ST6GALNAC3: variants seen among roughly 807,000 people sequenced by gnomAD.
ST6GALNAC3 encodes ST6 N-acetylgalactosaminide alpha-2,6-sialyltransferase 3, also known as alpha-N-acetylgalactosaminide alpha-2,6-sialyltransferase 3.
A neutral mutation model predicts 32.7 loss-of-function variants in ST6GALNAC3; 25 were observed. That is an observed-to-expected ratio of 0.76 (90% CI 0.56 to 1.07). The LOEUF is 1.07. Ranked by LOEUF, ST6GALNAC3 falls within the 50% of genes least tolerant of loss-of-function variation. The probability of loss-of-function intolerance (pLI) is 0.00; values close to 1 mark genes in which losing one functional copy is unlikely to be tolerated. For missense variants in ST6GALNAC3, 355 were observed against 382.4 expected (o/e 0.93, Z 0.60); for synonymous variants, 129 against 133.1 (o/e 0.97, Z 0.21).
At chr1:76,097,621 C>T (rs1410844292) in intron 1 of ST6GALNAC3, among the ~76,000 whole-genome samples, 1 of 152,108 alleles carries the variant, frequency 6.6e-6, no homozygotes, top group Non-Finnish European at 1.5e-5. Context: ...ACTAATACAG[C>T]TTCTTTTTTT....
chr1:76,451,132 C>T (rs908549781), intron 3 of ST6GALNAC3, among the ~76,000 whole-genome samples: 11 of 152,058 alleles, frequency 7.2e-5, no homozygotes, highest in African/African-American at 2.4e-4. Flanking sequence ...TTGCAGATTG[C>T]TTTTAGCGGT....
At chr1:76,515,731 C>T (rs1215234607) in intron 3 of ST6GALNAC3, among the ~76,000 whole-genome samples, 4 of 151,994 alleles carry the variant, frequency 2.6e-5, no homozygotes, top group Admixed American at 6.6e-5. Flanking sequence ...AAGTTTTTCT[C>T]GTTGTTGATT....
chr1:76,619,033 A>C (rs1354291640), intron 3 of ST6GALNAC3, among the ~76,000 whole-genome samples: 1 of 150,962 alleles, frequency 6.6e-6, no homozygotes, highest in Non-Finnish European at 1.5e-5. Context: ...GTAGTAGCTC[A>C]AGTCTTCAAA....
chr1:76,284,644 T>A (rs1287592205), intron 1 of ST6GALNAC3, among the ~76,000 whole-genome samples: 7 of 151,988 alleles, frequency 4.6e-5, no homozygotes, highest in African/African-American at 1.7e-4. Flanking sequence ...TGCAAGAGAC[T>A]TTTTAATTAG....
intron 3 of ST6GALNAC3, among the ~76,000 whole-genome samples, chr1:76,626,878 T>C (rs1161520924): frequency 6.6e-6 from 1 of 151,922 alleles, no homozygotes; most frequent in Non-Finnish European, 1.5e-5. Context: ...AAGAAGTTGG[T>C]AACATAGGTC....
At chr1:76,635,073 T>C (rs939118236), downstream of ST6GALNAC3, among the ~76,000 whole-genome samples, 4 of 152,226 alleles carry the variant, frequency 2.6e-5, no homozygotes, top group African/African-American at 9.6e-5. Flanking sequence ...TTTGTCCATA[T>C]TAACTATCTG....
intron 1 of ST6GALNAC3, among the ~76,000 whole-genome samples, chr1:76,292,572 G>A (rs1660161820): frequency 6.6e-6 from 1 of 152,194 alleles, no homozygotes; most frequent in Non-Finnish European, 1.5e-5. Flanking sequence ...TAAAGGAAGT[G>A]CCTTGCCACA....
At chr1:76,258,609 T>C (rs891693764) in intron 1 of ST6GALNAC3, among the ~76,000 whole-genome samples, 2 of 152,116 alleles carry the variant, frequency 1.3e-5, no homozygotes, top group East Asian at 1.9e-4. Context: ...TGGAGTTTGC[T>C]CAAAAAATAA....
intron 1 of ST6GALNAC3, among the ~76,000 whole-genome samples, chr1:76,182,516 C>T (rs764125925): frequency 2.6e-5 from 4 of 152,128 alleles, no homozygotes; most frequent in African/African-American, 9.7e-5. Flanking sequence ...TTTCAGTTTA[C>T]ACTATTGCAC....
At chr1:76,347,643 A>C (rs897648687) in intron 2 of ST6GALNAC3, among the ~76,000 whole-genome samples, 1 of 152,046 alleles carries the variant, frequency 6.6e-6, no homozygotes. Context: ...GATGATATTG[A>C]CTCCTTATAA....
chr1:76,343,996 T>G (rs1648283520), intron 2 of ST6GALNAC3, among the ~76,000 whole-genome samples: 1 of 152,198 alleles, frequency 6.6e-6, no homozygotes. Flanking sequence ...AAGGGGCAAG[T>G]AGGGCAAGGC....
chr1:76,416,358 G>T (rs1654622730), intron 3 of ST6GALNAC3, among the ~76,000 whole-genome samples: 1 of 151,992 alleles, frequency 6.6e-6, no homozygotes. Flanking sequence ...TTTGCCTGTA[G>T]TTATTAGAAC....
At chr1:76,304,410 C>G (rs1004994997) in intron 1 of ST6GALNAC3, among the ~76,000 whole-genome samples, 14 of 148,582 alleles carry the variant, frequency 9.4e-5, no homozygotes, top group African/African-American at 3.4e-4. Context: ...CACCCTTATC[C>G]ATGAACTAGA....
chr1:76,183,363 T>C (rs950997187), intron 1 of ST6GALNAC3, among the ~76,000 whole-genome samples: 1 of 152,192 alleles, frequency 6.6e-6, no homozygotes, highest in African/African-American at 2.4e-5. Flanking sequence ...TTGATTTGTA[T>C]ACTAAATTTC....
At chr1:76,391,161 C>T (rs1338692238) in intron 2 of ST6GALNAC3, among the ~76,000 whole-genome samples, 2 of 151,978 alleles carry the variant, frequency 1.3e-5, no homozygotes, top group Non-Finnish European at 2.9e-5. Context: ...AGGATGGTCT[C>T]GATCTCATGA....
chr1:76,255,251 C>G (rs1323422774), intron 1 of ST6GALNAC3, among the ~76,000 whole-genome samples: 1 of 152,080 alleles, frequency 6.6e-6, no homozygotes, highest in Non-Finnish European at 1.5e-5. Context: ...GCCCCTTATA[C>G]TAACTGAGTT....
At chr1:76,296,006 T>G (rs939680774) in intron 1 of ST6GALNAC3, among the ~76,000 whole-genome samples, 22 of 152,168 alleles carry the variant, frequency 1.4e-4, no homozygotes, top group African/African-American at 5.3e-4. Flanking sequence ...TCAAAATAAT[T>G]ATGCCAAAGT....
At chr1:76,531,401 A>C (rs1663244574) in intron 3 of ST6GALNAC3, among the ~76,000 whole-genome samples, 1 of 152,182 alleles carries the variant, frequency 6.6e-6, no homozygotes, top group African/African-American at 2.4e-5. Context: ...CTACACTGGG[A>C]ATGTATCAAC....
At chr1:76,224,969 T>C (rs577654226) in intron 1 of ST6GALNAC3, among the ~76,000 whole-genome samples, 18 of 152,136 alleles carry the variant, frequency 1.2e-4, no homozygotes, top group Non-Finnish European at 2.1e-4. Flanking sequence ...CAGCCTGTTA[T>C]TATAGGAGTG....
Sources: gnomAD v4.1 joint callset for allele counts (sites outside exome capture counted in the v4.1 genomes callset) on GRCh38, gnomAD v4.1.1 for gene constraint, MANE v1.5 for transcripts, NCBI Gene and HGNC (gene_info 2026-07-23, HGNC 2026-07-21) for gene names.